Variants in POU2F1 observed in about 807,000 individuals in gnomAD.
POU2F1 encodes the protein POU domain, class 2, transcription factor 1.
A neutral mutation model predicts 84.9 loss-of-function variants in POU2F1; 16 were observed. The ratio of observed to expected loss-of-function variants is 0.19; its 90% CI spans 0.13 to 0.29. The LOEUF is 0.29. Among genes scored for constraint, POU2F1 ranks in the 10% least tolerant of loss-of-function variants. The probability of loss-of-function intolerance (pLI) is 1.00; values close to 1 mark genes in which losing one functional copy is unlikely to be tolerated. For missense variants in POU2F1, 738 were observed against 942.6 expected, an observed-to-expected ratio of 0.78 and a Z score of 2.84; for synonymous variants, 368 against 368.3, an observed-to-expected ratio of 1.00 and a Z score of 0.01.
chr1:167,231,937 A>G (rs962283582), intron 1 of POU2F1, among the ~76,000 whole-genome samples: 1 of 152,200 alleles, frequency 6.6e-6, no homozygotes, highest in African/African-American at 2.4e-5. Context: ...GACATCCCTC[A>G]TTATACACAG....
At chr1:167,300,941 T>G (rs1173003416) in intron 1 of POU2F1, among the ~76,000 whole-genome samples, 1 of 152,034 alleles carries the variant, frequency 6.6e-6, no homozygotes, top group African/African-American at 2.4e-5. Context: ...CAGCTAATTT[T>G]TGTATTTTAG....
intron 3 of POU2F1, 92 bp from the exon 4 acceptor site, chr1:167,370,069 C>A: frequency 9.4e-7 from 1 of 1,064,462 alleles, no homozygotes; most frequent in South Asian, 1.9e-5. Flanking sequence ...AGTTCTAGCT[C>A]GGTGACACAT....
intron 1 of POU2F1, among the ~76,000 whole-genome samples, chr1:167,313,204 T>C (rs956938837): frequency 2.0e-5 from 3 of 151,074 alleles, no homozygotes; most frequent in East Asian, 1.9e-4. Context: ...GGGAGAGATA[T>C]ATACTATATT....
intron 9 of POU2F1, among the ~76,000 whole-genome samples, chr1:167,391,559 C>CTTTTTT (rs1175783404): frequency 1.0e-4 from 6 of 57,894 alleles, no homozygotes; most frequent in Admixed American, 5.3e-4. Context: ...TTATATATAT[C>CTTTTTT]TTTTTTTTTT....
intron 1 of POU2F1, among the ~76,000 whole-genome samples, chr1:167,290,626 G>C (rs1461570592): frequency 6.6e-6 from 1 of 152,220 alleles, no homozygotes; most frequent in African/African-American, 2.4e-5. Flanking sequence ...CCTATGCATA[G>C]TAATCTCTCA....
At chr1:167,327,994 T>C (rs528159749) in intron 1 of POU2F1, among the ~76,000 whole-genome samples, 2 of 152,304 alleles carry the variant, frequency 1.3e-5, no homozygotes, top group South Asian at 2.1e-4. Context: ...GTCATTGTAA[T>C]GCCTAAAAAA....
rs537144734 is a variant in POU2F1 at position 167,420,940 on chromosome 1, A to G, written c.*5130A>G. 47 of 152,364 alleles carry G rather than the reference A, an allele frequency of 3.1e-4. No individual in the cohort carries two copies. The highest frequency in any genetic ancestry group is 2.8e-3 in the Admixed American group (43 of 15,308). The allele number at this position is 152,364 out of a possible 1,614,324, so 9.4% of individuals were successfully genotyped here. A position where few individuals can be genotyped will look rare whatever the true frequency, so the allele number is the denominator to read the frequency against. ...TTATTAGAGTTGAAAACATTAAAAGATGACTGATACTAATGGGAGAAAAAT... is the reference window on the plus strand; with the variant it reads ...TTATTAGAGTTGAAAACATTAAAAGGTGACTGATACTAATGGGAGAAAAAT... On this transcript the variant is annotated 3_prime_UTR_variant, in exon 16 of 16. Coordinates refer to ENST00000367866, the MANE Select transcript of POU2F1 (RefSeq NM_002697.4).
chr1:167,376,781 T>C (rs968717181), intron 7 of POU2F1, among the ~76,000 whole-genome samples: 17 of 152,202 alleles, frequency 1.1e-4, no homozygotes, highest in African/African-American at 3.1e-4. Context: ...TTTTTTGCCT[T>C]TTTTCTTCTT....
At chr1:167,224,793 C>G (rs770111435) in intron 1 of POU2F1, among the ~76,000 whole-genome samples, 1 of 148,982 alleles carries the variant, frequency 6.7e-6, no homozygotes, top group Non-Finnish European at 1.5e-5. Context: ...TAGTTTCCTG[C>G]GTATTTCTAG....
chr1:167,256,990 C>A lies in POU2F1; in HGVS notation c.61+36032C>A, dbSNP rs181166061. 3.9e-5 allele frequency among the ~76,000 whole-genome samples: 6 copies of A among 152,242 alleles called. No homozygotes were observed. In the East Asian group the frequency reaches 1.2e-3, roughly 29 times the overall value. ...CTGGATGTGCTTGTGGAAAATGTCTCCCTAGGACCTTTAATTTTGTTCCTA... is the reference window on the plus strand; with the variant it reads ...CTGGATGTGCTTGTGGAAAATGTCTACCTAGGACCTTTAATTTTGTTCCTA... On this transcript the variant is annotated intron_variant, in intron 1 of 15. Transcript: ENST00000367866.
chr1:167,294,403 A>G (rs1158423546), intron 1 of POU2F1, among the ~76,000 whole-genome samples: 1 of 152,050 alleles, frequency 6.6e-6, no homozygotes, highest in Non-Finnish European at 1.5e-5. Context: ...AAATGCAACA[A>G]AAACATAAAT....
intron 8 of POU2F1, among the ~76,000 whole-genome samples, chr1:167,386,807 A>G (rs1186760385): frequency 2.0e-5 from 3 of 152,238 alleles, no homozygotes; most frequent in Non-Finnish European, 4.4e-5. Flanking sequence ...TGCACATGGC[A>G]TTTTAGAAAA....
At chr1:167,329,238 C>A (rs752024381) in intron 1 of POU2F1, 36 of 1,544,788 alleles carry the variant, frequency 2.3e-5, no homozygotes, top group Non-Finnish European at 3.5e-6. Flanking sequence ...CCTGTTTCTT[C>A]CTTGTTTGGA....
intron 1 of POU2F1, among the ~76,000 whole-genome samples, chr1:167,242,708 ATGT>A (rs1404356395): frequency 6.6e-6 from 1 of 152,150 alleles, no homozygotes; most frequent in Non-Finnish European, 1.5e-5. Context: ...ATATTGTGAG[ATGT>A]TGTTTTTACT....
At chr1:167,279,856 CTA>C (rs922218371) in intron 1 of POU2F1, among the ~76,000 whole-genome samples, 3 of 152,122 alleles carry the variant, frequency 2.0e-5, no homozygotes, top group African/African-American at 7.2e-5. Flanking sequence ...TTCATGGAAA[CTA>C]TGTTTGGAAA....
intron 1 of POU2F1, among the ~76,000 whole-genome samples, chr1:167,296,882 A>G (rs993661493): frequency 6.6e-6 from 1 of 152,200 alleles, no homozygotes; most frequent in Admixed American, 6.5e-5. Context: ...ATGAAGGCTG[A>G]TTTTTAAAAA....
rs140818169 is a variant in POU2F1, at chr1:167,290,810, G to C, written c.62-41660G>C. On this transcript the variant is annotated intron_variant, in intron 1 of 15. Transcript: ENST00000367866. The stretch of plus-strand genomic sequence containing the variant: ...GTAATCCCAACACTGGGAAGTGAAG[G>C]GGGGAGGATCACTTGAGGCCAAGAG... 3.5e-4 allele frequency among the ~76,000 whole-genome samples: 54 copies of C among 152,304 alleles called. 1 individual carries two copies. The highest frequency in any genetic ancestry group is 5.7e-4 in the Non-Finnish European group (39 of 68,026).
chr1:167,329,295 A>T, intron 1 of POU2F1: 1 of 1,548,834 alleles, frequency 6.5e-7, no homozygotes, highest in Non-Finnish European at 8.7e-7. Context: ...GACTGCAGTG[A>T]CTATGTTCTA....
chr1:167,333,864 G>T (rs1657246093), intron 2 of POU2F1, among the ~76,000 whole-genome samples: 1 of 152,112 alleles, frequency 6.6e-6, no homozygotes, highest in Non-Finnish European at 1.5e-5. Flanking sequence ...GCCAGTGCCG[G>T]TGCTTCAGCC....
Sources: allele counts gnomAD v4.1 joint callset (sites outside exome capture counted in the v4.1 genomes callset), GRCh38; gene constraint gnomAD v4.1.1; transcripts MANE v1.5; gene names NCBI Gene and HGNC (gene_info 2026-07-23, HGNC 2026-07-21).